Variants in KMT2C observed in about 807,000 individuals in gnomAD.
KMT2C encodes histone-lysine N-methyltransferase 2C.
A neutral mutation model predicts 507.9 loss-of-function variants in KMT2C; 88 were observed. The observed-to-expected ratio is 0.17, with a 90% CI of 0.15 to 0.21. The LOEUF (loss-of-function observed/expected upper bound fraction) is 0.21. KMT2C is among the 10% of genes least tolerant of loss of function. KMT2C has a pLI of 1.00. For synonymous variants in KMT2C, 2,049 were observed against 2,080.8 expected (o/e 0.98, Z 0.42); for missense variants, 4,954 against 5,957.8 (o/e 0.83, Z 5.55).
At chr7:152,338,060 G>C (rs1186609084) in intron 2 of KMT2C, among the ~76,000 whole-genome samples, 1 of 151,890 alleles carries the variant, frequency 6.6e-6, no homozygotes, top group Non-Finnish European at 1.5e-5. Flanking sequence ...GGGTTTCACT[G>C]TGTTAGCCAG....
Position 152,171,318 on chromosome 7 carries a change from TACC to T in KMT2C, c.9396_9398del (p.Val3133del). 8 of 1,607,520 alleles carry T rather than the reference TACC, an allele frequency of 5.0e-6. No homozygotes were observed. Among genetic ancestry groups the T allele is most frequent in the Non-Finnish European group, 6.8e-6 (8 of 1,176,896 alleles). ...GTCCTTCACTGTTCTGTGTTCCAGT[TACC>T]ACCTGGCCCATAAAAGGGAACCTGT... On this transcript the variant is annotated inframe_deletion, in exon 40 of 59. Transcript: ENST00000262189.
intron 25 of KMT2C, among the ~76,000 whole-genome samples, chr7:152,204,268 A>C (rs1397597783): frequency 6.6e-6 from 1 of 152,180 alleles, no homozygotes; most frequent in East Asian, 1.9e-4. Context: ...ACAGCACTCC[A>C]GCCTGGGTAA....
At chr7:152,254,194 TC>T (rs1476093084) in intron 9 of KMT2C, among the ~76,000 whole-genome samples, 2 of 151,870 alleles carry the variant, frequency 1.3e-5, no homozygotes, top group East Asian at 3.9e-4. Flanking sequence ...GGCAGAAGGA[TC>T]TCTTGAGCCT....
intron 11 of KMT2C, among the ~76,000 whole-genome samples, chr7:152,251,413 A>C (rs540750526): frequency 2.6e-5 from 4 of 152,358 alleles, no homozygotes. Context: ...TGATAAAGAG[A>C]AGTTTTACAA....
chr7:152,368,050 A>C, intron 1 of KMT2C: 1 of 859,810 alleles, frequency 1.2e-6, no homozygotes, highest in East Asian at 2.4e-5. Context: ...GAAGAAGAAA[A>C]TAAACTTGCT....
intron 40 of KMT2C, among the ~76,000 whole-genome samples, chr7:152,170,386 C>A (rs2092909877): frequency 6.6e-6 from 1 of 151,980 alleles, no homozygotes; most frequent in Admixed American, 6.5e-5. Context: ...GACAAAAATA[C>A]TGCATGAGTT....
At chr7:152,291,002 G>C (rs1012226216) in intron 6 of KMT2C, among the ~76,000 whole-genome samples, 2 of 152,148 alleles carry the variant, frequency 1.3e-5, no homozygotes. Context: ...TCTTTCTCTT[G>C]ATTTTCATGA....
intron 46 of KMT2C, 103 bp downstream of exon 46, chr7:152,155,807 G>C: frequency 8.9e-7 from 1 of 1,118,080 alleles, no homozygotes; most frequent in Non-Finnish European, 1.3e-6. Flanking sequence ...CTCTTCAAAT[G>C]TTTTTACATG....
chr7:152,219,925 C>G (rs181874734), intron 23 of KMT2C: 1 of 152,452 alleles, frequency 6.6e-6, no homozygotes, highest in East Asian at 1.9e-4. Context: ...GTCGCATGAA[C>G]CCAGGAGGCA....
intron 3 of KMT2C, among the ~76,000 whole-genome samples, chr7:152,327,969 A>AG (rs1161025189): frequency 1.7e-4 from 26 of 151,254 alleles, no homozygotes; most frequent in Admixed American, 2.6e-4. Context: ...AAAAAAAAAA[A>AG]AAAAAAGAAA....
chr7:152,194,409 A>G (rs2129129500), intron 29 of KMT2C, 31 bp downstream of exon 29: 2 of 1,599,938 alleles, frequency 1.3e-6, no homozygotes, highest in Non-Finnish European at 1.7e-6. Flanking sequence ...CAGGTCTTTT[A>G]GAAAGCCTAG....
intron 1 of KMT2C, among the ~76,000 whole-genome samples, chr7:152,421,599 T>C (rs146122272): frequency 1.6e-4 from 25 of 152,350 alleles, no homozygotes; most frequent in African/African-American, 5.8e-4. Context: ...ACAGCATGGA[T>C]GCAGTTGGAG....
Position 152,162,868 on chromosome 7 carries a change from C to T in KMT2C, c.10709G>A (p.Cys3570Tyr). 1 of 1,614,192 alleles carries T rather than the reference C, an allele frequency of 6.2e-7. No homozygotes were observed. The highest frequency in any genetic ancestry group is 8.5e-7 in the Non-Finnish European group (1 of 1,180,038). Residue 3570 changes from cysteine to tyrosine, a missense_variant, in exon 43 of 59, where the codon TGT (cysteine) becomes TAT (tyrosine). This residue lies in a region of KMT2C where 801 missense variants were observed against 751.2 expected (regional missense o/e 1.07). Coordinates refer to ENST00000262189, the MANE Select transcript of KMT2C (RefSeq NM_170606.3). The part of the protein sequence containing the change: ...APPVANSSLP[C>Y]GQDSTITHGH... ...ATGGGTTATAGTAGAATCTTGGCCA[C>T]ATGGGAGACTGCTATTAGCTACTGG...
At chr7:152,424,879 T>C (rs1388377943) in intron 1 of KMT2C, among the ~76,000 whole-genome samples, 1 of 152,316 alleles carries the variant, frequency 6.6e-6, no homozygotes, top group South Asian at 2.1e-4. Flanking sequence ...CAGCAAGGTA[T>C]GACAGCTTCT....
chr7:152,169,200 C>A lies in KMT2C; in HGVS notation c.9503G>T (p.Gly3168Val), dbSNP rs778495651. Residue 3168 changes from glycine (G) to valine (V), a missense_variant, in exon 41 of 59, where the codon GGT (glycine) becomes GTT (valine). Gly to Val is a moderately radical substitution (Grantham distance 109). Coordinates refer to ENST00000262189, the MANE Select transcript of KMT2C (RefSeq NM_170606.3). ...TTTATACTTACTGACAAAGCCTGGA[C>A]CAAAATTTGGAGGATTAGGCCTAGA... ...QISRPNPPNF[G>V]PGFVNDSQRK... The A allele has an allele frequency of 1.9e-6, 3 of 1,598,496 alleles. No homozygotes were observed. The highest frequency in any genetic ancestry group is 2.2e-5 in the South Asian group (2 of 90,738).
chr7:152,180,077 A>T lies in KMT2C; in HGVS notation c.7199T>A (p.Ile2400Asn). Residue 2400 changes from isoleucine (I) to asparagine (N), a missense_variant, in exon 37 of 59, where the codon ATT becomes AAT. Physicochemically the swap from Ile to Asn is moderately radical, Grantham distance 149. Coordinates refer to ENST00000262189, the MANE Select transcript of KMT2C (RefSeq NM_170606.3). ...TGACCCCTTCTCCTGTCGACCTGCA[A>T]TCTTCTTCTGCTGTTGCTGCTGGAG... Reference protein sequence around the residue: ...IILQQQQQKKIAGRQEKGSQD... With the variant: ...IILQQQQQKKNAGRQEKGSQD... 6.2e-7 allele frequency: 1 copy of T among 1,614,182 alleles called. No homozygotes were observed. Among genetic ancestry groups the T allele is most frequent in the Non-Finnish European group, 8.5e-7 (1 of 1,180,036 alleles).
intron 23 of KMT2C, 25 bp downstream of exon 23, chr7:152,220,498 T>C (rs190138781): frequency 3.3e-6 from 5 of 1,518,664 alleles, no homozygotes; most frequent in Middle Eastern, 2.3e-4. Context: ...GCACACATAT[T>C]TCATGGAAAA....
chr7:152,171,171 C>T (rs969315641), intron 40 of KMT2C, 93 bp downstream of exon 40: 1 of 769,954 alleles, frequency 1.3e-6, no homozygotes, highest in Non-Finnish European at 2.0e-6. Context: ...AAACCTAGTA[C>T]TACTCTCTAG....
intron 1 of KMT2C, among the ~76,000 whole-genome samples, chr7:152,388,106 A>G (rs557192622): frequency 1.4e-5 from 2 of 145,922 alleles, no homozygotes; most frequent in Admixed American, 6.8e-5. Context: ...CAAAAAAAAA[A>G]AATAAATAAA....
Sources: allele counts gnomAD v4.1 joint callset (sites outside exome capture counted in the v4.1 genomes callset), GRCh38; gene constraint gnomAD v4.1.1; regional missense constraint gnomAD v4.1.1; transcripts MANE v1.5; gene names NCBI Gene and HGNC (gene_info 2026-07-23, HGNC 2026-07-21).